The following ULK4 variants were observed in gnomAD, a reference collection of about 807,000 sequenced individuals.
ULK4 encodes the protein inactive serine/threonine-protein kinase ULK4.
In ULK4, 133 loss-of-function variants were observed where a neutral mutation model predicts 160.6. That is an observed-to-expected ratio of 0.83 (90% CI 0.72 to 0.96). ULK4 has a LOEUF of 0.96. Ranked by LOEUF, ULK4 falls within the 40% of genes least tolerant of loss-of-function variation. ULK4 has a pLI of 0.00. For synonymous variants in ULK4, 534 were observed against 539.8 expected, an observed-to-expected ratio of 0.99 and a Z score of 0.15; for missense variants, 1,580 against 1,499.5, an observed-to-expected ratio of 1.05 and a Z score of -0.89.
intron 31 of ULK4, among the ~76,000 whole-genome samples, chr3:41,579,835 G>A (rs1006079257): frequency 1.3e-5 from 2 of 152,158 alleles, no homozygotes; most frequent in Admixed American, 1.3e-4. Flanking sequence ...AAGACCTGCT[G>A]ACCCGCATGT....
chr3:41,292,481 C>G (rs1393863195), intron 35 of ULK4, among the ~76,000 whole-genome samples: 2 of 152,042 alleles, frequency 1.3e-5, no homozygotes, highest in African/African-American at 4.8e-5. Flanking sequence ...CCAGTCTCTA[C>G]TAAAAATACA....
chr3:41,455,587 C>A lies in ULK4; in HGVS notation c.3402G>T (p.Lys1134Asn). ...CCTGAGGGTCCTCTCCTGAGCCAGA[C>A]TTCTGGGCCTGGAACAGAGAGAAGA... ...GIVRLALQAQKSGSGEDPQAA... is the reference protein window; with the variant it reads ...GIVRLALQAQNSGSGEDPQAA... The change falls in exon 34 of 37, where the codon AAG becomes AAT. Residue 1134 changes from lysine to asparagine, a missense_variant. Transcript: ENST00000301831. 6.8e-6 allele frequency: 11 copies of A among 1,613,810 alleles called. No homozygotes were observed. Among genetic ancestry groups the A allele is most frequent in the Non-Finnish European group, 9.3e-6 (11 of 1,179,882 alleles).
At chr3:41,350,721 A>G (rs1416416597) in intron 35 of ULK4, among the ~76,000 whole-genome samples, 2 of 152,234 alleles carry the variant, frequency 1.3e-5, no homozygotes, top group East Asian at 3.8e-4. Flanking sequence ...GAAGAGATAC[A>G]GAAATCCAAG....
chr3:41,514,264 G>A (rs2085680196), intron 32 of ULK4, among the ~76,000 whole-genome samples: 1 of 152,078 alleles, frequency 6.6e-6, no homozygotes, highest in Non-Finnish European at 1.5e-5. Context: ...CCTTTTTGGG[G>A]GGACAACTTA....
At chr3:41,651,530 A>G (rs936433495) in intron 30 of ULK4, among the ~76,000 whole-genome samples, 5 of 152,230 alleles carry the variant, frequency 3.3e-5, no homozygotes, top group African/African-American at 1.2e-4. Context: ...CACCTCAGTG[A>G]ATATAACTAG....
Position 41,938,099 on chromosome 3 carries a change from T to C in ULK4, c.237A>G (p.Thr79=). The C allele has an allele frequency of 6.2e-7, 1 of 1,605,010 alleles. No individual in the cohort carries two copies. Among genetic ancestry groups the C allele is most frequent in the Non-Finnish European group, 8.5e-7 (1 of 1,174,490 alleles). The change falls in exon 3 of 37, where the codon ACA becomes ACG. Residue 79 remains threonine, a splice_region_variant and synonymous_variant. Transcript: ENST00000301831. ...NHLWLVVELC[T]GGSLKTVIAQ... ...CACTTTTTACATACTCTTTCTTACC[T>C]GTGCAGAGTTCCACCACTAGCCAGA...
chr3:41,300,837 T>TTTTATA (rs1491100332), intron 35 of ULK4, among the ~76,000 whole-genome samples: 15 of 57,868 alleles, frequency 2.6e-4, no homozygotes, highest in African/African-American at 5.9e-4. Context: ...ATTTTACAGA[T>TTTTATA]TATATATATA....
chr3:41,416,445 G>A (rs536913428), intron 34 of ULK4, among the ~76,000 whole-genome samples: 89 of 152,250 alleles, frequency 5.8e-4, no homozygotes, highest in African/African-American at 2.0e-3. Context: ...TGCCTAGAAT[G>A]ACGCCGTCAT....
At chr3:41,647,266 A>G (rs1234048565) in intron 30 of ULK4, among the ~76,000 whole-genome samples, 10 of 151,828 alleles carry the variant, frequency 6.6e-5, no homozygotes, top group South Asian at 6.2e-4. Context: ...GAGGAGAGGC[A>G]CTCTGCTTTT....
intron 5 of ULK4, among the ~76,000 whole-genome samples, chr3:41,927,828 C>T (rs1699438552): frequency 6.6e-6 from 1 of 152,072 alleles, no homozygotes; most frequent in Admixed American, 6.6e-5. Flanking sequence ...TATATGCACC[C>T]AATACAGGAG....
intron 35 of ULK4, among the ~76,000 whole-genome samples, chr3:41,363,876 A>T (rs941321947): frequency 1.3e-5 from 2 of 151,926 alleles, no homozygotes; most frequent in South Asian, 4.2e-4. Context: ...ATGTTAAGGG[A>T]TGTGTCCAAG....
intron 31 of ULK4, among the ~76,000 whole-genome samples, chr3:41,567,084 C>G (rs2087807452): frequency 6.6e-6 from 1 of 152,154 alleles, no homozygotes; most frequent in African/African-American, 2.4e-5. Flanking sequence ...AAGCAACAAG[C>G]ATATTAATTA....
At chr3:41,888,404 AGAATT>A (rs1697804144) in intron 16 of ULK4, among the ~76,000 whole-genome samples, 2 of 152,202 alleles carry the variant, frequency 1.3e-5, no homozygotes. Context: ...ATGCATAGAT[AGAATT>A]AAGACTGACA....
intron 2 of ULK4, among the ~76,000 whole-genome samples, chr3:41,941,778 A>AAAAAAAAAAAAAG: frequency 6.8e-6 from 1 of 148,078 alleles, no homozygotes; most frequent in South Asian, 2.1e-4. Flanking sequence ...AAAAAAAAAA[A>AAAAAAAAAAAAAG]AGAGAAAGAA....
chr3:41,780,042 G>A (rs1575696036), intron 21 of ULK4, among the ~76,000 whole-genome samples: 1 of 149,400 alleles, frequency 6.7e-6, no homozygotes, highest in East Asian at 2.0e-4. Flanking sequence ...GCTCACATCT[G>A]CAATTTCCAA....
chr3:41,620,858 T>C (rs1019940111), intron 30 of ULK4, among the ~76,000 whole-genome samples: 11 of 152,134 alleles, frequency 7.2e-5, no homozygotes, highest in Admixed American at 2.0e-4. Context: ...TTTATATATT[T>C]AGAAAACCCC....
intron 25 of ULK4, among the ~76,000 whole-genome samples, chr3:41,706,811 G>A (rs1254381570): frequency 7.2e-6 from 1 of 138,724 alleles, no homozygotes; most frequent in Non-Finnish European, 1.5e-5. Context: ...CTGGCCGACA[G>A]AGCGAGACTC....
At chr3:41,478,081 G>C (rs934480891) in intron 32 of ULK4, among the ~76,000 whole-genome samples, 20 of 152,200 alleles carry the variant, frequency 1.3e-4, no homozygotes, top group Non-Finnish European at 2.6e-4. Context: ...CTTTGGCCTA[G>C]AGCTTTCAGT....
At chr3:41,697,740 C>CCTGCCTTAG (rs1374717389) in intron 27 of ULK4, among the ~76,000 whole-genome samples, 1 of 152,054 alleles carries the variant, frequency 6.6e-6, no homozygotes, top group African/African-American at 2.4e-5. Flanking sequence ...GCCTCAGTCT[C>CCTGCCTTAG]CCAAAGTGCT....
Sources: gnomAD v4.1 joint callset for allele counts (sites outside exome capture counted in the v4.1 genomes callset) on GRCh38, gnomAD v4.1.1 for gene constraint, MANE v1.5 for transcripts, NCBI Gene and HGNC (gene_info 2026-07-23, HGNC 2026-07-21) for gene names.